Variants in ASTN2 observed in about 807,000 individuals in gnomAD.
ASTN2 encodes astrotactin-2.
A neutral mutation model predicts 139.8 loss-of-function variants in ASTN2; 54 were observed. The ratio of observed to expected loss-of-function variants is 0.39; its 90% CI spans 0.31 to 0.48. The LOEUF is 0.48. ASTN2 is among the 20% of genes least tolerant of loss of function. The pLI is 0.95. For missense variants in ASTN2, 1,565 were observed against 1,725.1 expected (o/e 0.91, Z 1.64); for synonymous variants, 756 against 719.5 (o/e 1.05, Z -0.81).
intron 10 of ASTN2, among the ~76,000 whole-genome samples, chr9:116,890,385 T>C (rs1296828970): frequency 6.6e-6 from 1 of 152,210 alleles, no homozygotes; most frequent in Non-Finnish European, 1.5e-5. Context: ...TTGCTAGCAA[T>C]AGCTCAACAT....
chr9:116,665,500 A>C (rs138226707), intron 16 of ASTN2, among the ~76,000 whole-genome samples: 16 of 152,328 alleles, frequency 1.1e-4, no homozygotes, highest in African/African-American at 3.4e-4. Flanking sequence ...GAAAAGGCCT[A>C]GAAATAATGA....
In ASTN2 at chr9:116,731,412, GTGTTTTGTTT is replaced by G. The variant is rs768145981; in HGVS notation, c.2521+1977_2521+1986del. 4.6e-5 allele frequency among the ~76,000 whole-genome samples: 7 copies of G among 151,478 alleles called. No homozygotes were observed. The East Asian group carries it at 1.4e-3, about 29-fold the overall frequency. ...TATCATACCCTATTTTTTTGTTATTGTGTTTTGTTTTGTTTTGTTTTGTTTTTGAGACAGA... is the reference window on the plus strand; with the variant it reads ...TATCATACCCTATTTTTTTGTTATTGTGTTTTGTTTTGTTTTTGAGACAGA... On this transcript the variant is annotated intron_variant, in intron 14 of 22. Coordinates refer to ENST00000313400, the MANE Select transcript of ASTN2 (RefSeq NM_001365068.1).
chr9:117,156,001 TA>T (rs1830424648), intron 3 of ASTN2, among the ~76,000 whole-genome samples: 1 of 151,724 alleles, frequency 6.6e-6, no homozygotes, highest in Non-Finnish European at 1.5e-5. Flanking sequence ...CAGAGCAGAG[TA>T]GGTCCAGATA....
At chr9:117,208,643 C>T (rs994116286) in intron 3 of ASTN2, among the ~76,000 whole-genome samples, 1 of 152,016 alleles carries the variant, frequency 6.6e-6, no homozygotes, top group Non-Finnish European at 1.5e-5. Flanking sequence ...TCCAGGAAAC[C>T]AGATAGGTTA....
At chr9:116,872,273 A>G (rs1412672598) in intron 10 of ASTN2, among the ~76,000 whole-genome samples, 1 of 152,200 alleles carries the variant, frequency 6.6e-6, no homozygotes, top group African/African-American at 2.4e-5. Flanking sequence ...GGGGATATTA[A>G]TACCTAACTA....
rs371027311 is a variant in ASTN2, at chr9:116,460,162, T to C, written c.3498-17609A>G. 4.1e-4 allele frequency among the ~76,000 whole-genome samples: 63 copies of C among 152,232 alleles called. No individual in the cohort carries two copies. The South Asian group carries it at 7.5e-3, about 18-fold the overall frequency. ...AGAATCCAGACACAAAGGACATATA[T>C]TGCATGATTCCACTTATATGAAATG... On this transcript the variant is annotated intron_variant, in intron 20 of 22. Transcript: ENST00000313400.
chr9:117,180,295 C>T (rs1383642669), intron 3 of ASTN2, among the ~76,000 whole-genome samples: 1 of 152,202 alleles, frequency 6.6e-6, no homozygotes, highest in Non-Finnish European at 1.5e-5. Context: ...CCATCTCTTC[C>T]TCTACAGTCT....
intron 19 of ASTN2, among the ~76,000 whole-genome samples, chr9:116,489,802 T>C (rs1211854064): frequency 6.6e-6 from 1 of 152,142 alleles, no homozygotes; most frequent in African/African-American, 2.4e-5. Flanking sequence ...ATGGGTACTG[T>C]TTCTTGGTTT....
intron 1 of ASTN2, among the ~76,000 whole-genome samples, chr9:117,408,933 A>G (rs910939243): frequency 1.3e-5 from 2 of 152,150 alleles, no homozygotes; most frequent in Admixed American, 1.3e-4. Flanking sequence ...GAGGGAAGTG[A>G]GTGGAAAAGA....
intron 19 of ASTN2, among the ~76,000 whole-genome samples, chr9:116,506,417 T>C (rs1415782650): frequency 2.6e-5 from 4 of 152,170 alleles, no homozygotes; most frequent in Non-Finnish European, 2.9e-5. Flanking sequence ...CCCCTTCACC[T>C]CCAAGCATGC....
At chr9:117,346,156 C>T (rs1003626929) in intron 1 of ASTN2, among the ~76,000 whole-genome samples, 1 of 152,126 alleles carries the variant, frequency 6.6e-6, no homozygotes, top group Non-Finnish European at 1.5e-5. Context: ...AAAGATGAGA[C>T]TCACTTGTAC....
At chr9:117,221,142 T>A (rs954025957) in intron 2 of ASTN2, among the ~76,000 whole-genome samples, 2 of 152,206 alleles carry the variant, frequency 1.3e-5, no homozygotes, top group Non-Finnish European at 2.9e-5. Flanking sequence ...GATCCCAGCA[T>A]CAACAAGGCA....
At chr9:117,052,951 C>T (rs1386980625) in intron 5 of ASTN2, among the ~76,000 whole-genome samples, 1 of 152,164 alleles carries the variant, frequency 6.6e-6, no homozygotes, top group Non-Finnish European at 1.5e-5. Context: ...CAGGAGAGGA[C>T]ACCAGATGAA....
intron 19 of ASTN2, among the ~76,000 whole-genome samples, chr9:116,494,394 C>A (rs892135093): frequency 6.6e-6 from 1 of 152,074 alleles, no homozygotes; most frequent in African/African-American, 2.4e-5. Flanking sequence ...CCCCCCTCAC[C>A]CCTGCTCCCT....
At chr9:116,863,835 T>C (rs551728144) in intron 10 of ASTN2, 102 bp from the exon 11 acceptor site, 1 of 1,229,996 alleles carries the variant, frequency 8.1e-7, no homozygotes, top group East Asian at 2.6e-5. Context: ...AACTTACTTA[T>C]AATCAGGAAA....
chr9:116,858,429 G>T (rs1280966207), intron 11 of ASTN2, among the ~76,000 whole-genome samples: 1 of 152,220 alleles, frequency 6.6e-6, no homozygotes. Flanking sequence ...AATGGCATTA[G>T]TGAAGTGCGT....
chr9:117,005,361 A>G (rs1837326358), intron 7 of ASTN2, among the ~76,000 whole-genome samples: 1 of 151,862 alleles, frequency 6.6e-6, no homozygotes, highest in African/African-American at 2.4e-5. Flanking sequence ...TGCTGGGATT[A>G]CAGGCGAGAG....
chr9:117,050,170 G>A (rs1040213303), intron 5 of ASTN2, among the ~76,000 whole-genome samples: 4 of 152,196 alleles, frequency 2.6e-5, no homozygotes, highest in African/African-American at 9.6e-5. Context: ...GCAAAGAAGA[G>A]CTAAGGCCAA....
At chr9:117,331,449 C>T (rs780908664) in intron 1 of ASTN2, among the ~76,000 whole-genome samples, 1 of 152,092 alleles carries the variant, frequency 6.6e-6, no homozygotes, top group Admixed American at 6.6e-5. Context: ...ATCAATTGAG[C>T]CTCGGTGTTC....
Sources: gnomAD v4.1 joint callset for allele counts (sites outside exome capture counted in the v4.1 genomes callset) on GRCh38, gnomAD v4.1.1 for gene constraint, MANE v1.5 for transcripts, NCBI Gene and HGNC (gene_info 2026-07-23, HGNC 2026-07-21) for gene names.